The following ANO4 variants were observed in gnomAD, a reference collection of about 807,000 sequenced individuals.
ANO4 encodes the protein anoctamin 4, also known as anoctamin-4.
Under a neutral mutation model 141.9 loss-of-function variants are expected in ANO4, and 69 were observed. That is an observed-to-expected ratio of 0.49 (90% CI 0.40 to 0.59). The LOEUF is 0.59. Among genes scored for constraint, ANO4 ranks in the 20% least tolerant of loss-of-function variants. The pLI is 0.00. For missense variants in ANO4, 894 were observed against 1,162.2 expected, an observed-to-expected ratio of 0.77 and a Z score of 3.36; for synonymous variants, 350 against 394.3, an observed-to-expected ratio of 0.89 and a Z score of 1.33.
At chr12:100,772,018 C>G (rs895406648) in intron 3 of ANO4, among the ~76,000 whole-genome samples, 5 of 152,194 alleles carry the variant, frequency 3.3e-5, no homozygotes, top group African/African-American at 9.7e-5. Flanking sequence ...TCCTCAAGAC[C>G]TTCAGTGGGA....
chr12:100,792,903 C>A (rs369271828), upstream of ANO4, among the ~76,000 whole-genome samples: 1 of 152,214 alleles, frequency 6.6e-6, no homozygotes, highest in African/African-American at 2.4e-5. Context: ...AGTTAAAGAA[C>A]CTTCTCATAT....
intron 1 of ANO4, among the ~76,000 whole-genome samples, chr12:100,824,840 A>C (rs2036246010): frequency 6.6e-6 from 1 of 152,062 alleles, no homozygotes; most frequent in South Asian, 2.1e-4. Flanking sequence ...GCAGATTAAG[A>C]GGACTCAGTG....
rs542059711 is a variant in ANO4, at chr12:100,877,334, T to A, written c.-140-24312T>A. 5.3e-5 allele frequency among the ~76,000 whole-genome samples: 8 copies of A among 151,582 alleles called. No individual in the cohort carries two copies. In the East Asian group the frequency reaches 1.4e-3, roughly 26 times the overall value. ...GCTGGATATACTAATTAGCTTGATT[T>A]AATCATTCTATAATATATGATATTA... On this transcript the variant is annotated intron_variant, in intron 1 of 27. Coordinates refer to ENST00000392977, the MANE Select transcript of ANO4 (RefSeq NM_001286615.2).
At chr12:101,055,231 G>A (rs557211536) in intron 14 of ANO4, among the ~76,000 whole-genome samples, 1 of 152,318 alleles carries the variant, frequency 6.6e-6, no homozygotes, top group Admixed American at 6.5e-5. Context: ...TGTGATAAGT[G>A]AATGCCTAAC....
intron 8 of ANO4, among the ~76,000 whole-genome samples, chr12:100,998,197 C>T (rs1163043171): frequency 3.3e-5 from 5 of 152,208 alleles, no homozygotes; most frequent in South Asian, 2.1e-4. Flanking sequence ...CGTGAAGAGG[C>T]GAGACTGGCC....
chr12:101,055,863 A>G (rs572148918), intron 14 of ANO4, among the ~76,000 whole-genome samples: 1 of 152,116 alleles, frequency 6.6e-6, no homozygotes, highest in Non-Finnish European at 1.5e-5. Flanking sequence ...TAAGGGGCAG[A>G]TTTATTTCTT....
rs1371372943 is a variant in ANO4 at position 101,071,442 on chromosome 12, T to G, written c.1313-7751T>G. 2.0e-5 allele frequency among the ~76,000 whole-genome samples: 3 copies of G among 151,712 alleles called. No individual in the cohort carries two copies. In the East Asian group the frequency reaches 5.8e-4, roughly 29 times the overall value. ...TAAGCCAGGCACAGAAAGACAAACT[T>G]CACATGTTGTTCTCACTTATTTGTG... On this transcript the variant is annotated intron_variant, in intron 14 of 27. Transcript: ENST00000392977.
chr12:101,098,233 C>T (rs752455923), intron 21 of ANO4, among the ~76,000 whole-genome samples: 1 of 152,178 alleles, frequency 6.6e-6, no homozygotes, highest in Non-Finnish European at 1.5e-5. Context: ...ATACCTCTGA[C>T]CTTTCGGGCT....
In ANO4 at chr12:100,730,226, G is replaced by T. The variant is rs563535629; in HGVS notation, c.23-3548G>T. Among the ~76,000 whole-genome samples, 3 of 152,250 alleles carry T rather than the reference G, an allele frequency of 2.0e-5. 1 individual carries two copies. In the South Asian group the frequency reaches 6.2e-4, roughly 32 times the overall value. ...TTTAAGTCTGAATTTTATTGATTCA[G>T]CAAATTCCACAAATATATACAGAAT... On this transcript the variant is annotated intron_variant, in intron 1 of 29. Coordinates refer to the ANO4 transcript ENST00000644049.
chr12:100,751,740 G>A (rs2032389819), intron 3 of ANO4, among the ~76,000 whole-genome samples: 1 of 152,046 alleles, frequency 6.6e-6, no homozygotes, highest in Admixed American at 6.6e-5. Context: ...CAGTGGGATA[G>A]GCTAGTAGAA....
chr12:101,052,585 A>C (rs925877188), intron 14 of ANO4, among the ~76,000 whole-genome samples: 1 of 152,238 alleles, frequency 6.6e-6, no homozygotes, highest in Non-Finnish European at 1.5e-5. Context: ...CTCTTTAATC[A>C]AAATGACAAG....
Position 100,848,820 on chromosome 12 carries a change from C to G in ANO4, c.-140-52826C>G, listed in dbSNP as rs556592634. Among the ~76,000 whole-genome samples the G allele has an allele frequency of 1.3e-4, 20 of 152,324 alleles. No homozygotes were observed. The South Asian group carries it at 4.1e-3, about 32-fold the overall frequency. On this transcript the variant is annotated intron_variant, in intron 1 of 27. Coordinates refer to ENST00000392977, the MANE Select transcript of ANO4 (RefSeq NM_001286615.2). Reference sequence around the variant, plus strand: ...AATTCCTGTTGTCTTTTGGACTTCTCTCACCTACTCTGATAGAGCTGGGCT... The same window carrying G: ...AATTCCTGTTGTCTTTTGGACTTCTGTCACCTACTCTGATAGAGCTGGGCT...
At chr12:100,999,036 C>T (rs1019871822) in intron 8 of ANO4, among the ~76,000 whole-genome samples, 1 of 152,154 alleles carries the variant, frequency 6.6e-6, no homozygotes, top group Admixed American at 6.6e-5. Context: ...GAGGTAGGGC[C>T]TGGATTTCAA....
chr12:101,050,469 A>AT (rs1161335555), intron 14 of ANO4, among the ~76,000 whole-genome samples: 1 of 152,222 alleles, frequency 6.6e-6, no homozygotes, highest in Non-Finnish European at 1.5e-5. Flanking sequence ...GAGCTCTCAG[A>AT]TAAAGAATGC....
intron 18 of ANO4, among the ~76,000 whole-genome samples, chr12:101,095,293 A>G (rs2049936657): frequency 9.5e-6 from 1 of 104,960 alleles, no homozygotes; most frequent in Non-Finnish European, 1.8e-5. Flanking sequence ...CCAAAAAGAT[A>G]GAAGAGGTTT....
intron 3 of ANO4, among the ~76,000 whole-genome samples, chr12:100,747,898 A>G (rs959741168): frequency 4.6e-5 from 7 of 152,152 alleles, no homozygotes; most frequent in African/African-American, 1.7e-4. Flanking sequence ...AAACAATACT[A>G]ATGAATTCCA....
At chr12:101,058,781 A>T (rs2048230920) in intron 14 of ANO4, among the ~76,000 whole-genome samples, 1 of 152,112 alleles carries the variant, frequency 6.6e-6, no homozygotes, top group Non-Finnish European at 1.5e-5. Context: ...ATGGGGTTTT[A>T]TAAATATACA....
At chr12:101,126,819 C>G in intron 26 of ANO4, 60 bp from the exon 27 acceptor site, 2 of 1,502,898 alleles carry the variant, frequency 1.3e-6, no homozygotes, top group Non-Finnish European at 1.8e-6. Context: ...TCAGCCAACT[C>G]TCTAACCTCA....
At chr12:101,092,500 C>T (rs2136930423) in intron 17 of ANO4, among the ~76,000 whole-genome samples, 1 of 152,270 alleles carries the variant, frequency 6.6e-6, no homozygotes, top group Admixed American at 6.5e-5. Flanking sequence ...TTTCCAGAAA[C>T]CACTCATGTG....
Sources: gnomAD v4.1 joint callset for allele counts (sites outside exome capture counted in the v4.1 genomes callset) on GRCh38, gnomAD v4.1.1 for gene constraint, MANE v1.5 for transcripts, NCBI Gene and HGNC (gene_info 2026-07-23, HGNC 2026-07-21) for gene names.